EPS15L1: variants seen among roughly 807,000 people sequenced by gnomAD.
EPS15L1 encodes the protein epidermal growth factor receptor substrate 15-like 1.
In EPS15L1, 43 loss-of-function variants were observed where a neutral mutation model predicts 117.1. That is an observed-to-expected ratio of 0.37 (90% CI 0.29 to 0.47). The LOEUF is 0.47. Ranked by LOEUF, EPS15L1 falls within the 20% of genes least tolerant of loss-of-function variation. The pLI is 0.99. For missense variants in EPS15L1, 981 were observed against 1,164.0 expected (o/e 0.84, Z 2.29); for synonymous variants, 459 against 470.5 (o/e 0.98, Z 0.32).
At chr19:16,439,397 C>A (rs1355601275) in intron 4 of EPS15L1, among the ~76,000 whole-genome samples, 1 of 152,142 alleles carries the variant, frequency 6.6e-6, no homozygotes, top group Non-Finnish European at 1.5e-5. Flanking sequence ...GAACTTTTAA[C>A]ATGCAGACAT....
At chr19:16,460,766 C>T (rs1363667118) in intron 1 of EPS15L1, among the ~76,000 whole-genome samples, 3 of 152,138 alleles carry the variant, frequency 2.0e-5, no homozygotes, top group Admixed American at 6.5e-5. Flanking sequence ...CAAGAACATG[C>T]GCCTAGGCCA....
intron 9 of EPS15L1, among the ~76,000 whole-genome samples, chr19:16,424,359 G>A (rs936045942): frequency 1.3e-5 from 2 of 151,088 alleles, no homozygotes; most frequent in Non-Finnish European, 3.0e-5. Context: ...TGGTAAAATC[G>A]GTCTAGTCAG....
chr19:16,413,690 C>T (rs1305365093), intron 13 of EPS15L1, 83 bp downstream of exon 13: 1 of 1,182,292 alleles, frequency 8.5e-7, no homozygotes, highest in Non-Finnish European at 1.3e-6. Flanking sequence ...CCCTGCCCTT[C>T]CCCACCACCA....
chr19:16,408,410 G>A (rs1300389016), intron 13 of EPS15L1, among the ~76,000 whole-genome samples: 4 of 151,206 alleles, frequency 2.6e-5, no homozygotes, highest in Non-Finnish European at 4.4e-5. Flanking sequence ...GATCATCTGA[G>A]GTCAGGAGTT....
Position 16,414,311 on chromosome 19 carries a change from C to A in EPS15L1, c.1194-466G>T, listed in dbSNP as rs563399698. On this transcript the variant is annotated intron_variant, in intron 12 of 23. Transcript: ENST00000455140. ...TGAATGAGCCTAGAAACAGATTCTT[C>A]CCCTAGAGCCTCCAACAAGAGCCCA... 2.0e-5 allele frequency among the ~76,000 whole-genome samples: 3 copies of A among 152,176 alleles called. No homozygotes were observed. The East Asian group carries it at 5.8e-4, about 29-fold the overall frequency.
chr19:16,408,337 T>C (rs894340908), intron 13 of EPS15L1, among the ~76,000 whole-genome samples: 4 of 152,056 alleles, frequency 2.6e-5, no homozygotes, highest in African/African-American at 9.7e-5. Flanking sequence ...CCAAAATTCA[T>C]ATGGGGCCAG....
At chr19:16,373,998 T>C (rs1335178616) in intron 22 of EPS15L1, among the ~76,000 whole-genome samples, 1 of 152,234 alleles carries the variant, frequency 6.6e-6, no homozygotes. Flanking sequence ...TATTTAGGCC[T>C]CCACACAGAT....
rs534927969 is a variant in EPS15L1, at chr19:16,377,067, C to T, written c.2380+55G>A. Reference sequence around the variant, plus strand: ...GGCTGGTGAGCAGGGAGGCCCTGGTCCCCCGCCATCCGGCACCGGTAGGCG... The same window carrying T: ...GGCTGGTGAGCAGGGAGGCCCTGGTTCCCCGCCATCCGGCACCGGTAGGCG... On this transcript the variant is annotated intron_variant, in intron 22 of 23. Transcript: ENST00000455140. 23 of 1,542,084 alleles carry T rather than the reference C, an allele frequency of 1.5e-5. No individual in the cohort carries two copies. In the East Asian group the frequency reaches 5.1e-4, roughly 34 times the overall value.
At chr19:16,418,324 T>G (rs1046511034) in intron 10 of EPS15L1, among the ~76,000 whole-genome samples, 4 of 152,122 alleles carry the variant, frequency 2.6e-5, no homozygotes, top group Non-Finnish European at 5.9e-5. Context: ...CTGTCAGGGC[T>G]GAAGAACCCC....
intron 8 of EPS15L1, among the ~76,000 whole-genome samples, chr19:16,427,546 A>C (rs1457162524): frequency 6.6e-6 from 1 of 152,190 alleles, no homozygotes; most frequent in Non-Finnish European, 1.5e-5. Context: ...CTCAACCTAT[A>C]CTGAAACTTT....
chr19:16,417,619 C>G lies in EPS15L1; in HGVS notation c.1126G>C (p.Gly376Arg), dbSNP rs1311247543. 3.1e-6 allele frequency: 5 copies of G among 1,614,036 alleles called. No homozygotes were observed. In the African/African-American group the frequency reaches 6.7e-5, roughly 22 times the overall value. Residue 376 changes from glycine (G) to arginine (R), a missense_variant, in exon 12 of 24, where the codon GGC becomes CGC. Transcript: ENST00000455140. The stretch of plus-strand genomic sequence containing the variant: ...TTCACGCCAGTAAACTCCCCGGAGC[C>G]GAGAGAGCCTGAACTGTCCTAGAAT... ...TPGPDSSGSL[G>R]SGEFTGVKEL...
At chr19:16,451,323 T>G (rs1043137703) in intron 1 of EPS15L1, among the ~76,000 whole-genome samples, 6 of 152,130 alleles carry the variant, frequency 3.9e-5, no homozygotes, top group Admixed American at 1.3e-4. Context: ...TTTAAAGACT[T>G]AGGAAACCTA....
At chr19:16,374,642 G>A (rs1272125856) in intron 22 of EPS15L1, among the ~76,000 whole-genome samples, 2 of 152,220 alleles carry the variant, frequency 1.3e-5, no homozygotes, top group Admixed American at 6.5e-5. Context: ...GCCGGGTTTA[G>A]GTACGTGGGG....
At chr19:16,393,441 AGT>A (rs939414054) in intron 18 of EPS15L1, among the ~76,000 whole-genome samples, 12 of 151,952 alleles carry the variant, frequency 7.9e-5, no homozygotes, top group African/African-American at 2.9e-4. Context: ...TGAGGTCAAG[AGT>A]GTGAGACGAG....
At chr19:16,425,964 A>G (rs1362003011) in intron 8 of EPS15L1, among the ~76,000 whole-genome samples, 2 of 152,244 alleles carry the variant, frequency 1.3e-5, no homozygotes, top group Non-Finnish European at 2.9e-5. Context: ...AGCCACCATC[A>G]TCATAATTAA....
chr19:16,359,593 G>T (rs1474808313), intron 23 of EPS15L1, among the ~76,000 whole-genome samples: 1 of 152,202 alleles, frequency 6.6e-6, no homozygotes, highest in Non-Finnish European at 1.5e-5. Flanking sequence ...GGGCACAGGG[G>T]CTCATGCCTG....
chr19:16,471,891 C>G lies in EPS15L1; in HGVS notation c.33+22G>C. 7.7e-7 allele frequency: 1 copy of G among 1,298,360 alleles called. No individual in the cohort carries two copies. Among genetic ancestry groups the G allele is most frequent in the Non-Finnish European group, 9.8e-7 (1 of 1,020,598 alleles). The allele number at this position is 1,298,360 out of a possible 1,614,324, so 80.4% of individuals were successfully genotyped here. On this transcript the variant is annotated intron_variant, in intron 1 of 23. Transcript: ENST00000455140. This position sits in a 1 kb window ranked among gnomAD's most constrained non-coding sequence, Gnocchi z 4.8. The stretch of plus-strand genomic sequence containing the variant: ...TCGCGCCCCGCACCCCGGCGCCGCC[C>G]CCAGGCCCGCCCGGCCCGTACCTGC...
At chr19:16,392,161 C>A (rs2092482970) in intron 19 of EPS15L1, 143 bp downstream of exon 19, 1 of 898,840 alleles carries the variant, frequency 1.1e-6, no homozygotes, top group Non-Finnish European at 1.7e-6. Context: ...CCTGGGATAC[C>A]AGCTCCCGGA....
rs60524006 is a variant in EPS15L1 at position 16,437,654 on chromosome 19, A to G, written c.309+116T>C. ...TCTATTATGTGAATTTCACCACAATAAAAGGGGAAGGCTAGAGAAAACATG... is the reference window on the plus strand; with the variant it reads ...TCTATTATGTGAATTTCACCACAATGAAAGGGGAAGGCTAGAGAAAACATG... On this transcript the variant is annotated intron_variant, in intron 5 of 23. Coordinates refer to ENST00000455140, the MANE Select transcript of EPS15L1 (RefSeq NM_001258374.3). 1,686 of 738,494 alleles carry G rather than the reference A, an allele frequency of 2.3e-3. 25 individuals carry two copies. In the African/African-American group the frequency reaches 0.027, roughly 12 times the overall value. 45.7% of individuals were successfully genotyped at this position (738,494 alleles called of 1,614,324 possible). A position where few individuals can be genotyped will look rare whatever the true frequency, so the allele number is the denominator to read the frequency against.
Sources: gnomAD v4.1 joint callset for allele counts (sites outside exome capture counted in the v4.1 genomes callset) on GRCh38, gnomAD v4.1.1 for gene constraint, Gnocchi (gnomAD v3.1) non-coding constraint, MANE v1.5 for transcripts, NCBI Gene and HGNC (gene_info 2026-07-23, HGNC 2026-07-21) for gene names.